Variants in SLC30A7 observed in about 807,000 individuals in gnomAD.
The protein encoded by SLC30A7 is solute carrier family 30 member 7.
SLC30A7 carries 35 observed loss-of-function variants against 46.0 expected under a neutral mutation model. The ratio of observed to expected loss-of-function variants is 0.76; its 90% CI spans 0.58 to 1.01. The LOEUF (loss-of-function observed/expected upper bound fraction) is 1.01. Ranked by LOEUF, SLC30A7 falls within the 50% of genes least tolerant of loss-of-function variation. SLC30A7 has a pLI of 0.00. For synonymous variants in SLC30A7, 147 were observed against 157.8 expected, an observed-to-expected ratio of 0.93 and a Z score of 0.51; for missense variants, 464 against 451.1, an observed-to-expected ratio of 1.03 and a Z score of -0.26.
chr1:100,937,879 A>T (rs1654071869), intron 8 of SLC30A7, among the ~76,000 whole-genome samples: 3 of 152,126 alleles, frequency 2.0e-5, no homozygotes, highest in Admixed American at 2.0e-4. Context: ...TTATAGTTTT[A>T]GGTCTTACAT....
chr1:100,954,157 T>G (rs899518771), intron 8 of SLC30A7, among the ~76,000 whole-genome samples: 1 of 152,192 alleles, frequency 6.6e-6, no homozygotes, highest in African/African-American at 2.4e-5. Context: ...GCTGGGGGAA[T>G]AAAATGAATA....
At position 100,965,832 on chromosome 1, in the gene SLC30A7, G is replaced by A. The variant is rs556434388; in HGVS notation, c.997G>A (p.Val333Ile). 2.4e-5 allele frequency: 38 copies of A among 1,613,792 alleles called. No individual in the cohort carries two copies. The East Asian group carries it at 7.1e-4, about 30-fold the overall frequency. The change falls in exon 10 of 11, where the codon GTT becomes ATT. Residue 333 changes from valine to isoleucine, a missense_variant. Val to Ile is a conservative substitution (Grantham distance 29, BLOSUM62 3). Coordinates refer to ENST00000357650, the MANE Select transcript of SLC30A7 (RefSeq NM_133496.5). Reference sequence around the variant, plus strand: ...GCACTTCTGGACTTTATGTTCTGACGTTTATGTTGGGACCTTGAAATTAAT... The same window carrying A: ...GCACTTCTGGACTTTATGTTCTGACATTTATGTTGGGACCTTGAAATTAAT... Reference protein sequence around the residue: ...EQHFWTLCSDVYVGTLKLIVA... With the variant: ...EQHFWTLCSDIYVGTLKLIVA...
At chr1:100,928,855 A>G (rs61780291) in intron 8 of SLC30A7, among the ~76,000 whole-genome samples, 25,062 of 152,144 alleles carry the variant, frequency 0.16, 2,119 homozygotes, top group African/African-American at 0.18. Context: ...TATGTAGATT[A>G]TTAAGCTTGG....
At chr1:100,966,442 G>A (rs1338261602) in intron 10 of SLC30A7, among the ~76,000 whole-genome samples, 1 of 151,804 alleles carries the variant, frequency 6.6e-6, no homozygotes, top group Non-Finnish European at 1.5e-5. Context: ...AAAATTAGCC[G>A]GGTGTGGTGA....
chr1:100,937,671 T>C (rs1019288590), intron 8 of SLC30A7, among the ~76,000 whole-genome samples: 4 of 152,212 alleles, frequency 2.6e-5, no homozygotes, highest in African/African-American at 9.6e-5. Flanking sequence ...TTTGTTGTTG[T>C]TGAATTGTGG....
At chr1:100,932,144 G>T (rs977995908) in intron 8 of SLC30A7, among the ~76,000 whole-genome samples, 5 of 152,198 alleles carry the variant, frequency 3.3e-5, no homozygotes, top group Non-Finnish European at 7.3e-5. Context: ...GCTGGGCACG[G>T]TTGCTCATGC....
At chr1:100,907,591 A>G (rs1195136479) in intron 3 of SLC30A7, among the ~76,000 whole-genome samples, 1 of 152,126 alleles carries the variant, frequency 6.6e-6, no homozygotes, top group Non-Finnish European at 1.5e-5. Context: ...AGCTATATAT[A>G]TGTGTAAGCA....
At chr1:100,925,001 T>G (rs1653198655) in intron 8 of SLC30A7, among the ~76,000 whole-genome samples, 1 of 152,254 alleles carries the variant, frequency 6.6e-6, no homozygotes, top group African/African-American at 2.4e-5. Context: ...ATAAACAAAT[T>G]AATAAATTAG....
the SLC30A7 span, chr1:100,990,467 G>A: frequency 1.2e-6 from 2 of 1,614,034 alleles, no homozygotes; most frequent in Non-Finnish European, 1.7e-6. Context: ...AACAGACTTA[G>A]CATCTCCATC....
rs766373194 is a variant in SLC30A7, at chr1:100,906,918, A to G, written c.249A>G (p.Ala83=). 3.1e-6 allele frequency: 5 copies of G among 1,613,394 alleles called. No individual in the cohort carries two copies. Among genetic ancestry groups the G allele is most frequent in the Non-Finnish European group, 4.2e-6 (5 of 1,179,584 alleles). The stretch of plus-strand genomic sequence containing the variant: ...GCACTGCCATTTTGGCTGGACTGGC[A>G]GCTTCTGTTATTTCAAAATGGAGAG... ...FDSTAILAGL[A]ASVISKWRDN... is the part of the protein sequence containing the mutation. The change falls in exon 3 of 11, where the codon GCA becomes GCG. Residue 83 remains alanine (A), a synonymous_variant. Coordinates refer to ENST00000357650, the MANE Select transcript of SLC30A7 (RefSeq NM_133496.5).
chr1:100,990,402 CT>C, the SLC30A7 span: 1 of 1,612,758 alleles, frequency 6.2e-7, no homozygotes, highest in South Asian at 1.1e-5. Flanking sequence ...TGGTAAATAT[CT>C]ATGTTCAAAG....
At chr1:100,920,166 A>G (rs1368152926) in intron 7 of SLC30A7, among the ~76,000 whole-genome samples, 1 of 152,016 alleles carries the variant, frequency 6.6e-6, no homozygotes, top group Non-Finnish European at 1.5e-5. Flanking sequence ...CTTACAAATC[A>G]TTATTTTCTT....
chr1:100,994,868 C>G, the SLC30A7 span, among the ~76,000 whole-genome samples: 2 of 152,144 alleles, frequency 1.3e-5, no homozygotes, highest in South Asian at 4.1e-4. Context: ...TAATTCATTC[C>G]ACAAACACTG....
intron 6 of SLC30A7, 95 bp downstream of exon 6, chr1:100,913,901 C>A: frequency 6.7e-7 from 1 of 1,488,520 alleles, no homozygotes; most frequent in South Asian, 1.4e-5. Context: ...AAAAAGATAC[C>A]AAATCAACTT....
chr1:100,940,067 A>G (rs1191175179), intron 8 of SLC30A7, among the ~76,000 whole-genome samples: 2 of 152,132 alleles, frequency 1.3e-5, no homozygotes, highest in African/African-American at 4.8e-5. Flanking sequence ...ACATAATGAG[A>G]TACCTGAAAG....
chr1:100,926,265 A>G (rs1316556888), intron 8 of SLC30A7, among the ~76,000 whole-genome samples: 1 of 152,146 alleles, frequency 6.6e-6, no homozygotes, highest in African/African-American at 2.4e-5. Flanking sequence ...GCATTGCTAT[A>G]AAGATATACC....
chr1:100,921,261 A>G (rs1652916705), intron 7 of SLC30A7, among the ~76,000 whole-genome samples: 1 of 152,118 alleles, frequency 6.6e-6, no homozygotes, highest in African/African-American at 2.4e-5. Flanking sequence ...TGTAGTCCCA[A>G]ATGGTAATAA....
At chr1:100,951,378 G>A (rs373877780) in intron 8 of SLC30A7, among the ~76,000 whole-genome samples, 30 of 152,134 alleles carry the variant, frequency 2.0e-4, no homozygotes, top group African/African-American at 7.0e-4. Flanking sequence ...AGAAAAAAAA[G>A]CTTTGTTATA....
intron 10 of SLC30A7, among the ~76,000 whole-genome samples, 166 bp from the exon 11 acceptor site, chr1:100,974,644 A>G (rs1214146828): frequency 6.6e-6 from 1 of 151,728 alleles, no homozygotes; most frequent in Non-Finnish European, 1.5e-5. Flanking sequence ...TTGTAGTGGT[A>G]AATGGAGATT....
Sources: gnomAD v4.1 joint callset for allele counts (sites outside exome capture counted in the v4.1 genomes callset) on GRCh38, gnomAD v4.1.1 for gene constraint, MANE v1.5 for transcripts, NCBI Gene and HGNC (gene_info 2026-07-23, HGNC 2026-07-21) for gene names.